Variants in F10 observed in about 807,000 individuals in gnomAD.
F10 encodes the protein coagulation factor X.
Under a neutral mutation model 37.1 loss-of-function variants are expected in F10, and 29 were observed. The observed-to-expected ratio is 0.78, with a 90% CI of 0.58 to 1.07. The LOEUF is 1.07. F10 is among the 50% of genes least tolerant of loss of function. The pLI, the probability that F10 is intolerant of heterozygous loss-of-function variation, is 0.00. For missense variants in F10, 539 were observed against 667.9 expected, an observed-to-expected ratio of 0.81 and a Z score of 2.13; for synonymous variants, 262 against 268.6, an observed-to-expected ratio of 0.98 and a Z score of 0.24.
At chr13:113,124,280 G>T (rs2036349658) in intron 1 of F10, among the ~76,000 whole-genome samples, 2 of 152,358 alleles carry the variant, frequency 1.3e-5, no homozygotes, top group South Asian at 4.1e-4. Flanking sequence ...AGCCCACCCA[G>T]ACCCACAGGA....
intron 2 of F10, among the ~76,000 whole-genome samples, chr13:113,138,007 A>G (rs190751499): frequency 1.3e-5 from 2 of 152,358 alleles, no homozygotes; most frequent in Admixed American, 1.3e-4. Context: ...GACATTTTTT[A>G]GCGTAATCTA....
At chr13:113,137,359 G>A (rs1172526467) in intron 2 of F10, among the ~76,000 whole-genome samples, 5 of 152,096 alleles carry the variant, frequency 3.3e-5, no homozygotes, top group Non-Finnish European at 5.9e-5. Context: ...GGCAGGTGGG[G>A]GAGATGGCAT....
Position 113,143,168 on chromosome 13 carries a change from C to G in F10, c.503-683C>G, listed in dbSNP as rs1311662471. ...GCCCCTTGCCATCCATTCCCCCCTC[C>G]TCTCCTCTCCTGCTCCCCCACACCC... On this transcript the variant is annotated intron_variant, in intron 5 of 7. Coordinates refer to ENST00000375559, the MANE Select transcript of F10 (RefSeq NM_000504.4). This position sits in a 1 kb window ranked among gnomAD's most constrained non-coding sequence, Gnocchi z 6.8. 6.6e-6 allele frequency among the ~76,000 whole-genome samples: 1 copy of G among 151,178 alleles called. No homozygotes were observed. The highest frequency in any genetic ancestry group is 1.5e-5 in the Non-Finnish European group (1 of 67,822).
At chr13:113,134,963 G>A (rs777897456) in intron 2 of F10, among the ~76,000 whole-genome samples, 7 of 152,034 alleles carry the variant, frequency 4.6e-5, no homozygotes, top group Non-Finnish European at 8.8e-5. Flanking sequence ...ATTTTCGGCC[G>A]GGCGCGGTGG....
chr13:113,148,965 G>A lies in F10; in HGVS notation c.915G>A (p.Val305=). 1 of 1,613,496 alleles carries A rather than the reference G, an allele frequency of 6.2e-7. No homozygotes were observed. The highest frequency in any genetic ancestry group is 8.5e-7 in the Non-Finnish European group (1 of 1,180,022). ...AGGGCGGTGAGGCGGTGCACGAGGT[G>A]GAGGTGGTCATCAAGCACAACCGGT... ...QEEGGEAVHE[V]EVVIKHNRFT... Residue 305 remains valine, a synonymous_variant, in exon 8 of 8, where the codon GTG becomes GTA. Coordinates refer to ENST00000375559, the MANE Select transcript of F10 (RefSeq NM_000504.4).
At chr13:113,131,400 G>GT (rs1350140328) in intron 2 of F10, 4 of 152,408 alleles carry the variant, frequency 2.6e-5, no homozygotes, top group African/African-American at 9.6e-5. Context: ...ATCACAGGTG[G>GT]TTACAAGGTC....
intron 2 of F10, chr13:113,130,415 G>A (rs1347972104): frequency 6.5e-6 from 1 of 152,914 alleles, no homozygotes; most frequent in Non-Finnish European, 1.5e-5. Flanking sequence ...CATCAGGAAA[G>A]GTGCCTGCAG....
chr13:113,125,935 G>C (rs2036366247), intron 1 of F10, among the ~76,000 whole-genome samples: 1 of 152,106 alleles, frequency 6.6e-6, no homozygotes, highest in Admixed American at 6.6e-5. Flanking sequence ...AGACACGAGT[G>C]GGGGCAACGT....
chr13:113,134,860 A>G (rs1369810847), intron 2 of F10, among the ~76,000 whole-genome samples: 1 of 152,238 alleles, frequency 6.6e-6, no homozygotes, highest in Non-Finnish European at 1.5e-5. Flanking sequence ...CCCAAAATCT[A>G]CAAAATTCCA....
At chr13:113,129,675 C>T (rs1353033191) in intron 2 of F10, 63 bp downstream of exon 2, 1 of 1,606,362 alleles carries the variant, frequency 6.2e-7, no homozygotes, top group South Asian at 1.1e-5. Context: ...CTCGCTGGCC[C>T]CGCTGCTCCG....
chr13:113,123,672 CA>C (rs2036342514), intron 1 of F10, among the ~76,000 whole-genome samples: 1 of 152,168 alleles, frequency 6.6e-6, no homozygotes, highest in African/African-American at 2.4e-5. Context: ...AGAGACGGAG[CA>C]GGGGGAGACC....
At chr13:113,135,115 C>T (rs949527523) in intron 2 of F10, among the ~76,000 whole-genome samples, 5 of 151,608 alleles carry the variant, frequency 3.3e-5, no homozygotes, top group African/African-American at 7.3e-5. Context: ...TGGTGGTGTG[C>T]GCCTGTAATC....
rs1245999781 is a variant in F10 at position 113,141,486 on chromosome 13, G to T, written c.502+436G>T. Among the ~76,000 whole-genome samples the T allele has an allele frequency of 6.6e-6, 1 of 152,208 alleles. No individual in the cohort carries two copies. The highest frequency in any genetic ancestry group is 2.4e-5 in the African/African-American group (1 of 41,456). On this transcript the variant is annotated intron_variant, in intron 5 of 7. Coordinates refer to ENST00000375559, the MANE Select transcript of F10 (RefSeq NM_000504.4). The surrounding 1 kb of genome is among the most constrained non-coding windows in gnomAD (Gnocchi z 5.4). ...GGAACTGGAGCTAAGGTGCGGGGCT[G>T]GGATAGGAGTCAGGGGACGCTCAGG...
intron 5 of F10, among the ~76,000 whole-genome samples, chr13:113,142,315 G>T (rs1297668276): frequency 6.6e-6 from 1 of 152,116 alleles, no homozygotes; most frequent in African/African-American, 2.4e-5. Flanking sequence ...GCCAAGGCGG[G>T]CGGATCATGA....
At chr13:113,142,762 T>TA (rs5806975) in intron 5 of F10, among the ~76,000 whole-genome samples, 14 of 127,858 alleles carry the variant, frequency 1.1e-4, no homozygotes, top group South Asian at 2.3e-4. Context: ...CCTGTCTCTA[T>TA]AAAAAAAAAA....
chr13:113,140,545 T>C (rs913810967), intron 4 of F10: 1 of 490,674 alleles, frequency 2.0e-6, no homozygotes, highest in Non-Finnish European at 4.2e-6. Context: ...AGGGCTATTA[T>C]GCACATTTTC....
chr13:113,124,081 G>A (rs772629628), intron 1 of F10, among the ~76,000 whole-genome samples: 12 of 152,214 alleles, frequency 7.9e-5, no homozygotes, highest in Admixed American at 2.0e-4. Context: ...AGATGCTTCC[G>A]CGAATTGGTA....
At chr13:113,136,095 C>T (rs1398638544) in intron 2 of F10, among the ~76,000 whole-genome samples, 1 of 152,116 alleles carries the variant, frequency 6.6e-6, no homozygotes, top group Non-Finnish European at 1.5e-5. Flanking sequence ...ACAGCCAACT[C>T]GCCAAAGAGG....
chr13:113,128,696 C>T (rs1305407820), intron 1 of F10: 1 of 152,144 alleles, frequency 6.6e-6, no homozygotes, highest in Non-Finnish European at 1.5e-5. Context: ...TCCATCTCTA[C>T]TAAAAATACA....
Sources: allele counts gnomAD v4.1 joint callset (sites outside exome capture counted in the v4.1 genomes callset), GRCh38; gene constraint gnomAD v4.1.1; non-coding constraint Gnocchi (gnomAD v3.1); transcripts MANE v1.5; gene names NCBI Gene and HGNC (gene_info 2026-07-23, HGNC 2026-07-21).